The following MYOCD variants were observed in gnomAD, a reference collection of about 807,000 sequenced individuals.
The protein encoded by MYOCD is myocardin.
MYOCD carries 32 observed loss-of-function variants against 96.1 expected under a neutral mutation model. The observed-to-expected ratio is 0.33, with a 90% confidence interval of 0.25 to 0.45. The LOEUF is 0.45. Ranked by LOEUF, MYOCD falls within the 20% of genes least tolerant of loss-of-function variation. MYOCD has a pLI of 1.00. For synonymous variants in MYOCD, 469 were observed against 469.0 expected (o/e 1.00, Z 0.00); for missense variants, 1,133 against 1,200.6 (o/e 0.94, Z 0.83).
chr17:12,684,102 T>TTC (rs976174712), intron 1 of MYOCD, among the ~76,000 whole-genome samples: 4 of 151,386 alleles, frequency 2.6e-5, no homozygotes, highest in South Asian at 2.1e-4. Flanking sequence ...CTTTCTCTCA[T>TTC]TCTCTCTCTC....
In MYOCD at chr17:12,766,140, C is replaced by T. The variant is rs1378548808; in HGVS notation, c.*2496C>T. The T allele has an allele frequency of 2.0e-5, 3 of 152,116 alleles. No homozygotes were observed. The highest frequency in any genetic ancestry group is 2.1e-4 in the South Asian group (1 of 4,822). The allele number at this position is 152,116 out of a possible 1,614,324, so 9.4% of individuals were successfully genotyped here. A position where few individuals can be genotyped will look rare whatever the true frequency, so the allele number is the denominator to read the frequency against. ...TGGTCAGTGCACTTTTCAGGTGTCACGTTTTGCTGTTTGTATGTTTTTTCT... is the reference window on the plus strand; with the variant it reads ...TGGTCAGTGCACTTTTCAGGTGTCATGTTTTGCTGTTTGTATGTTTTTTCT... On this transcript the variant is annotated 3_prime_UTR_variant, in exon 14 of 14. Transcript: ENST00000425538.
chr17:12,679,496 A>C (rs1198255478), intron 1 of MYOCD, among the ~76,000 whole-genome samples: 4 of 152,230 alleles, frequency 2.6e-5, no homozygotes, highest in African/African-American at 9.6e-5. Context: ...CCTTGTGTCT[A>C]ACAGTAGAGC....
chr17:12,746,400 G>GAAGGGCAAGA lies in MYOCD; in HGVS notation c.1125+339_1125+348dup, dbSNP rs555044713. Among the ~76,000 whole-genome samples the GAAGGGCAAGA allele has an allele frequency of 7.9e-5, 12 of 152,288 alleles. No homozygotes were observed. The East Asian group carries it at 2.1e-3, about 27-fold the overall frequency. ...TCCCATGGTAGAAGGGCAGAAGGTG[G>GAAGGGCAAGA]AAGGGCAAGAAAGGGCAAGAGCCCT... is the stretch of plus-strand genomic sequence containing the variant. On this transcript the variant is annotated intron_variant, in intron 9 of 13. Transcript: ENST00000425538.
rs1160985657 is a variant in MYOCD, at chr17:12,763,541, G to A, written c.2858G>A (p.Ser953Asn). Residue 953 changes from serine to asparagine, a missense_variant, in exon 14 of 14, where the codon AGC becomes AAC. By Grantham distance (46) the Ser-to-Asn change is conservative. Transcript: ENST00000425538. ...CCGCCAAATTCCACACCAGGCTTTAGCGCCCTCACCACCAGCAGCCCCAGC... is the reference window on the plus strand; with the variant it reads ...CCGCCAAATTCCACACCAGGCTTTAACGCCCTCACCACCAGCAGCCCCAGC... ...LTPPNSTPGFSALTTSSPSIF... is the reference protein window; with the variant it reads ...LTPPNSTPGFNALTTSSPSIF... 2 of 1,614,056 alleles carry A rather than the reference G, an allele frequency of 1.2e-6. No homozygotes were observed. Among genetic ancestry groups the A allele is most frequent in the African/African-American group, 2.7e-5 (2 of 74,924 alleles).
rs958804926 is a variant in MYOCD, at chr17:12,692,738, G to A, written c.56-12390G>A. Among the ~76,000 whole-genome samples, 7 of 152,038 alleles carry A rather than the reference G, an allele frequency of 4.6e-5. No individual in the cohort carries two copies. In the East Asian group the frequency reaches 5.8e-4, roughly 13 times the overall value. On this transcript the variant is annotated intron_variant, in intron 1 of 13. Coordinates refer to ENST00000425538, the MANE Select transcript of MYOCD (RefSeq NM_001146312.3). Reference sequence around the variant, plus strand: ...AAACTCTAAGGAGACCTATACAGCCGCACCTGGTTCTCCCTCTTCTGAGTG... The same window carrying A: ...AAACTCTAAGGAGACCTATACAGCCACACCTGGTTCTCCCTCTTCTGAGTG...
At chr17:12,750,387 A>G (rs551127907) in intron 9 of MYOCD, among the ~76,000 whole-genome samples, 13 of 152,218 alleles carry the variant, frequency 8.5e-5, no homozygotes, top group African/African-American at 3.1e-4. Flanking sequence ...AAAGAGCTTT[A>G]CAAACACGTT....
chr17:12,733,463 G>T (rs1216714009), intron 5 of MYOCD, among the ~76,000 whole-genome samples: 7 of 152,166 alleles, frequency 4.6e-5, no homozygotes, highest in Admixed American at 4.6e-4. Flanking sequence ...GACTAATTCT[G>T]CCACCCCCTC....
intron 1 of MYOCD, among the ~76,000 whole-genome samples, chr17:12,667,867 T>C (rs1385965731): frequency 6.6e-6 from 1 of 152,292 alleles, no homozygotes; most frequent in Admixed American, 6.5e-5. Context: ...CTCACTTTTT[T>C]TAAAGTTGTG....
intron 1 of MYOCD, among the ~76,000 whole-genome samples, chr17:12,696,187 C>T (rs1329643180): frequency 3.3e-5 from 5 of 151,992 alleles, no homozygotes; most frequent in Non-Finnish European, 4.4e-5. Context: ...ACCATGTTGA[C>T]GAGGATGGTC....
At chr17:12,684,780 G>T (rs1008522925) in intron 1 of MYOCD, among the ~76,000 whole-genome samples, 2 of 150,474 alleles carry the variant, frequency 1.3e-5, no homozygotes, top group Non-Finnish European at 3.0e-5. Flanking sequence ...TGGGAGGTGG[G>T]GGTTGCGGTG....
chr17:12,758,182 A>G lies in MYOCD; in HGVS notation c.2300A>G (p.Gln767Arg). 6.2e-7 allele frequency: 1 copy of G among 1,614,148 alleles called. No homozygotes were observed. Among genetic ancestry groups the G allele is most frequent in the South Asian group, 1.1e-5 (1 of 91,086 alleles). The change falls in exon 12 of 14, where the codon CAG becomes CGG. Residue 767 changes from glutamine (Q) to arginine (R), a missense_variant. Gln to Arg is a conservative substitution (Grantham distance 43). Transcript: ENST00000425538. Reference sequence around the variant, plus strand: ...AGTTCAGCAATTTCAGAGGTAACACAGCCTCCATCCTATGAAGATGCCGTA... The same window carrying G: ...AGTTCAGCAATTTCAGAGGTAACACGGCCTCCATCCTATGAAGATGCCGTA... The part of the protein sequence containing the change: ...KSSSAISEVT[Q>R]PPSYEDAVKQ...
chr17:12,731,062 G>A (rs1286838874), intron 5 of MYOCD, among the ~76,000 whole-genome samples: 2 of 152,212 alleles, frequency 1.3e-5, no homozygotes, highest in African/African-American at 2.4e-5. Flanking sequence ...GCCAGAGGAT[G>A]ATGTCAGGGC....
intron 4 of MYOCD, among the ~76,000 whole-genome samples, chr17:12,721,930 C>T (rs922352999): frequency 2.0e-5 from 3 of 152,088 alleles, no homozygotes; most frequent in African/African-American, 7.2e-5. Context: ...AGGCAGCTTC[C>T]ACAGCCAAGC....
At chr17:12,676,561 A>G (rs191106091) in intron 1 of MYOCD, among the ~76,000 whole-genome samples, 33 of 151,664 alleles carry the variant, frequency 2.2e-4, no homozygotes, top group Admixed American at 2.2e-3. Flanking sequence ...TTTTTTTAAG[A>G]TATGGAGTGA....
intron 1 of MYOCD, among the ~76,000 whole-genome samples, chr17:12,701,569 A>T (rs1355182518): frequency 6.6e-6 from 1 of 151,738 alleles, no homozygotes; most frequent in Non-Finnish European, 1.5e-5. Flanking sequence ...ATTATTTCTT[A>T]TTTCTCCTTA....
At chr17:12,742,464 C>T (rs12150458) in intron 7 of MYOCD, among the ~76,000 whole-genome samples, 1 of 152,086 alleles carries the variant, frequency 6.6e-6, no homozygotes, top group Non-Finnish European at 1.5e-5. Context: ...TTCTGGACAC[C>T]GGTGGAAACA....
intron 5 of MYOCD, among the ~76,000 whole-genome samples, chr17:12,730,573 G>A (rs113108378): frequency 0.015 from 2,304 of 152,170 alleles, 29 homozygotes; most frequent in Non-Finnish European, 0.024. Flanking sequence ...TCGCTTTCCA[G>A]AGCAGTGAGT....
At chr17:12,762,809 A>G (rs1025374182) in intron 13 of MYOCD, 69 of 417,896 alleles carry the variant, frequency 1.7e-4, no homozygotes, top group Non-Finnish European at 6.0e-5. Flanking sequence ...TCAAGGGACT[A>G]CCAGGGGTCA....
At chr17:12,710,090 G>A (rs1213287756) in intron 2 of MYOCD, among the ~76,000 whole-genome samples, 2 of 152,140 alleles carry the variant, frequency 1.3e-5, no homozygotes, top group African/African-American at 4.8e-5. Context: ...CAGTCTAGGA[G>A]GGGCCCCAAA....
Sources: allele counts gnomAD v4.1 joint callset (sites outside exome capture counted in the v4.1 genomes callset), GRCh38; gene constraint gnomAD v4.1.1; transcripts MANE v1.5; gene names NCBI Gene and HGNC (gene_info 2026-07-23, HGNC 2026-07-21).